METTL2A: variants seen among roughly 807,000 people sequenced by gnomAD.
METTL2A encodes the protein methyltransferase 2A, tRNA N3-cytidine, also known as tRNA N(3)-cytidine methyltransferase METTL2A.
Under a neutral mutation model 49.4 loss-of-function variants are expected in METTL2A, and 45 were observed. The ratio of observed to expected loss-of-function variants is 0.91; its 90% CI spans 0.72 to 1.17. The LOEUF (loss-of-function observed/expected upper bound fraction) is 1.17, where lower values mean the gene tolerates loss of function less well. METTL2A is among the 50% of genes most tolerant of loss of function. The probability of loss-of-function intolerance (pLI) is 0.00; values close to 1 mark genes in which losing one functional copy is unlikely to be tolerated. For missense variants in METTL2A, 361 were observed against 462.2 expected (o/e 0.78, Z 2.01); for synonymous variants, 118 against 167.5 (o/e 0.70, Z 2.28).
intron 8 of METTL2A, 84 bp from the exon 9 acceptor site, chr17:62,448,491 G>A: frequency 7.8e-6 from 12 of 1,536,154 alleles, no homozygotes; most frequent in Non-Finnish European, 9.6e-6. Flanking sequence ...ACTTCCCAGA[G>A]CCCCTTTTAA....
chr17:62,445,627 T>C (rs1567737663), intron 7 of METTL2A, among the ~76,000 whole-genome samples: 1 of 151,996 alleles, frequency 6.6e-6, no homozygotes, highest in Non-Finnish European at 1.5e-5. Context: ...GGAGAAACCC[T>C]GTCTCTACTA....
chr17:62,432,814 A>AT (rs1209268138), intron 4 of METTL2A, among the ~76,000 whole-genome samples: 1 of 151,268 alleles, frequency 6.6e-6, no homozygotes, highest in African/African-American at 2.4e-5. Context: ...AAAAAAAAAA[A>AT]TTGCCAAGCA....
At chr17:62,429,840 T>C (rs1280011462) in intron 4 of METTL2A, among the ~76,000 whole-genome samples, 1 of 152,054 alleles carries the variant, frequency 6.6e-6, no homozygotes, top group Non-Finnish European at 1.5e-5. Context: ...CCAGCTAATT[T>C]TTGTATTTTT....
At chr17:62,438,747 A>G (rs1355308084) in intron 5 of METTL2A, among the ~76,000 whole-genome samples, 1 of 152,166 alleles carries the variant, frequency 6.6e-6, no homozygotes, top group Admixed American at 6.6e-5. Context: ...CTACATCTAC[A>G]GAAATAGATT....
intron 5 of METTL2A, among the ~76,000 whole-genome samples, chr17:62,438,537 G>A (rs1331826205): frequency 1.4e-4 from 21 of 145,174 alleles, no homozygotes; most frequent in Admixed American, 9.2e-4. Context: ...AGCCGAGATC[G>A]CACCACTCCA....
intron 4 of METTL2A, 131 bp downstream of exon 4, chr17:62,427,968 G>A: frequency 9.2e-7 from 1 of 1,088,684 alleles, no homozygotes; most frequent in South Asian, 1.7e-5. Flanking sequence ...AGGAGTGTGA[G>A]ACCAGCCAGG....
intron 7 of METTL2A, among the ~76,000 whole-genome samples, chr17:62,447,330 G>A (rs1488596731): frequency 3.3e-5 from 5 of 152,150 alleles, no homozygotes; most frequent in Non-Finnish European, 7.3e-5. Flanking sequence ...TGAGGCAGGA[G>A]AATCACTTGA....
chr17:62,447,916 C>G (rs1368565287), intron 8 of METTL2A, 150 bp downstream of exon 8: 3 of 1,528,042 alleles, frequency 2.0e-6, no homozygotes, highest in East Asian at 4.5e-5. Flanking sequence ...CCTCTTCCAC[C>G]CTGGGCTAGG....
intron 5 of METTL2A, among the ~76,000 whole-genome samples, chr17:62,438,893 G>A (rs1316504223): frequency 6.6e-6 from 1 of 151,666 alleles, no homozygotes; most frequent in African/African-American, 2.4e-5. Context: ...ACTCACTGTG[G>A]CCTTGATCTC....
chr17:62,429,011 C>A (rs1266266358), intron 4 of METTL2A, among the ~76,000 whole-genome samples: 1 of 152,148 alleles, frequency 6.6e-6, no homozygotes, highest in Non-Finnish European at 1.5e-5. Flanking sequence ...GTCTCAAACT[C>A]CTGGGCTCAA....
intron 2 of METTL2A, 55 bp from the exon 3 acceptor site, chr17:62,426,244 T>C: frequency 6.7e-7 from 1 of 1,492,230 alleles, no homozygotes; most frequent in South Asian, 1.3e-5. Context: ...TGATATTAGA[T>C]ATAAATAAAA....
intron 4 of METTL2A, among the ~76,000 whole-genome samples, chr17:62,429,657 A>G (rs980966157): frequency 2.0e-5 from 3 of 151,592 alleles, no homozygotes; most frequent in Non-Finnish European, 4.4e-5. Context: ...CACCAGATAT[A>G]TTTATTATAC....
chr17:62,439,114 G>A (rs2070720916), intron 5 of METTL2A, among the ~76,000 whole-genome samples: 1 of 151,574 alleles, frequency 6.6e-6, no homozygotes, highest in African/African-American at 2.4e-5. Context: ...GAGTAGCTGG[G>A]ATTACAGGCG....
intron 4 of METTL2A, among the ~76,000 whole-genome samples, chr17:62,429,620 C>T (rs1474674042): frequency 1.3e-5 from 2 of 151,730 alleles, no homozygotes; most frequent in Non-Finnish European, 2.9e-5. Context: ...GTTTTTGGAA[C>T]TCTGTGCCTG....
chr17:62,426,958 C>T (rs1316029255), intron 3 of METTL2A, among the ~76,000 whole-genome samples: 1 of 152,174 alleles, frequency 6.6e-6, no homozygotes, highest in Non-Finnish European at 1.5e-5. Context: ...TGAAGGAGCT[C>T]AACATGATCA....
chr17:62,434,080 C>T (rs2070684574), intron 4 of METTL2A, among the ~76,000 whole-genome samples: 1 of 152,150 alleles, frequency 6.6e-6, no homozygotes, highest in Admixed American at 6.6e-5. Flanking sequence ...GCAGATGCAG[C>T]TGCCTGGCTG....
intron 2 of METTL2A, among the ~76,000 whole-genome samples, chr17:62,425,547 T>C (rs1268817896): frequency 1.3e-5 from 2 of 149,632 alleles, no homozygotes; most frequent in Non-Finnish European, 3.0e-5. Flanking sequence ...CCACCACGCC[T>C]GGCTAATTTT....
chr17:62,436,555 A>T (rs972095822), intron 5 of METTL2A, among the ~76,000 whole-genome samples: 1 of 152,194 alleles, frequency 6.6e-6, no homozygotes, highest in Admixed American at 6.6e-5. Context: ...ATCTCAAAAA[A>T]AAGAGAGAGA....
chr17:62,448,883 G>T lies in METTL2A; in HGVS notation c.*154G>T. The T allele has an allele frequency of 9.0e-7, 1 of 1,107,818 alleles. No homozygotes were observed. The highest frequency in any genetic ancestry group is 1.2e-6 in the Non-Finnish European group (1 of 808,964). The allele number at this position is 1,107,818 out of a possible 1,614,324, so 68.6% of individuals were successfully genotyped here. The stretch of plus-strand genomic sequence containing the variant: ...CATTGAGCCCAGCAGTCCAACCTGG[G>T]CAAAATAGTGAGAGACCCTGTATCT... On this transcript the variant is annotated 3_prime_UTR_variant, in exon 9 of 9. Transcript: ENST00000311506.
Sources: gnomAD v4.1 joint callset for allele counts (sites outside exome capture counted in the v4.1 genomes callset) on GRCh38, gnomAD v4.1.1 for gene constraint, MANE v1.5 for transcripts, NCBI Gene and HGNC (gene_info 2026-07-23, HGNC 2026-07-21) for gene names.